GUCY1A2: variants seen among roughly 807,000 people sequenced by gnomAD.
The protein encoded by GUCY1A2 is guanylate cyclase soluble subunit alpha-2.
GUCY1A2 carries 27 observed loss-of-function variants against 63.5 expected under a neutral mutation model. The ratio of observed to expected loss-of-function variants is 0.43; its 90% CI spans 0.31 to 0.59. The LOEUF (loss-of-function observed/expected upper bound fraction) is 0.59. Ranked by LOEUF, GUCY1A2 falls within the 20% of genes least tolerant of loss-of-function variation. The pLI is 0.11. For synonymous variants in GUCY1A2, 364 were observed against 343.5 expected, an observed-to-expected ratio of 1.06 and a Z score of -0.66; for missense variants, 768 against 913.3, an observed-to-expected ratio of 0.84 and a Z score of 2.05.
At chr11:106,862,589 C>T (rs977255081) in intron 4 of GUCY1A2, among the ~76,000 whole-genome samples, 1 of 152,040 alleles carries the variant, frequency 6.6e-6, no homozygotes, top group Admixed American at 6.6e-5. Flanking sequence ...TGTGGGCACT[C>T]TAAGGGAATA....
intron 4 of GUCY1A2, among the ~76,000 whole-genome samples, chr11:106,912,358 C>G (rs1860306876): frequency 6.6e-6 from 1 of 152,024 alleles, no homozygotes; most frequent in Admixed American, 6.6e-5. Flanking sequence ...ATGGATCTTT[C>G]CAGCATTTTT....
chr11:106,709,260 T>A (rs1235650690), intron 6 of GUCY1A2, among the ~76,000 whole-genome samples: 5 of 57,686 alleles, frequency 8.7e-5, no homozygotes, highest in South Asian at 4.8e-4. Flanking sequence ...ATAATATATA[T>A]AAATATATTT....
intron 5 of GUCY1A2, among the ~76,000 whole-genome samples, chr11:106,797,511 A>G (rs1431075188): frequency 6.6e-6 from 1 of 152,178 alleles, no homozygotes; most frequent in East Asian, 1.9e-4. Flanking sequence ...GTTATTCCAA[A>G]ACTAACCACA....
intron 4 of GUCY1A2, among the ~76,000 whole-genome samples, chr11:106,847,357 AGAT>A (rs1859290306): frequency 6.6e-6 from 1 of 151,300 alleles, no homozygotes; most frequent in South Asian, 2.1e-4. Context: ...GATAAAATGA[AGAT>A]GATAATAATA....
At chr11:106,806,661 G>A (rs991756484) in intron 5 of GUCY1A2, among the ~76,000 whole-genome samples, 12 of 152,088 alleles carry the variant, frequency 7.9e-5, no homozygotes, top group Admixed American at 3.9e-4. Flanking sequence ...CTAATTACAA[G>A]AGAAACAAAA....
intron 4 of GUCY1A2, among the ~76,000 whole-genome samples, chr11:106,873,699 T>G (rs1038668606): frequency 6.6e-6 from 1 of 152,278 alleles, no homozygotes; most frequent in South Asian, 2.1e-4. Flanking sequence ...TTGCAAAAAT[T>G]TTCTCCCATT....
intron 4 of GUCY1A2, among the ~76,000 whole-genome samples, chr11:106,854,174 G>A (rs1251645728): frequency 1.3e-5 from 2 of 152,228 alleles, no homozygotes; most frequent in Non-Finnish European, 2.9e-5. Context: ...GGGCCAGGTT[G>A]GCATGTGTTT....
At chr11:106,742,384 A>G (rs541487092) in intron 6 of GUCY1A2, among the ~76,000 whole-genome samples, 1 of 152,026 alleles carries the variant, frequency 6.6e-6, no homozygotes, top group Admixed American at 6.6e-5. Flanking sequence ...TGTTCCCCTC[A>G]TGTGTCCATG....
At chr11:106,868,522 T>C (rs1859627237) in intron 4 of GUCY1A2, among the ~76,000 whole-genome samples, 1 of 152,026 alleles carries the variant, frequency 6.6e-6, no homozygotes, top group Admixed American at 6.6e-5. Context: ...TCAAAGAGAA[T>C]AAAATACCTA....
chr11:106,796,706 C>T (rs1176992432), intron 5 of GUCY1A2, among the ~76,000 whole-genome samples: 1 of 152,174 alleles, frequency 6.6e-6, no homozygotes, highest in Non-Finnish European at 1.5e-5. Flanking sequence ...CTGCCCTTAA[C>T]ATTTTTTCCT....
chr11:106,857,952 T>C lies in GUCY1A2; in HGVS notation c.1207-47474A>G, dbSNP rs562442638. ...AGGGATCCTGGAACAAATCCAGGAC[T>C]TTAAGAAGGAAAAGTACAAAAGGAA... On this transcript the variant is annotated intron_variant, in intron 4 of 7. Transcript: ENST00000526355. Among the ~76,000 whole-genome samples, 3 of 152,266 alleles carry C rather than the reference T, an allele frequency of 2.0e-5. No individual in the cohort carries two copies. The East Asian group carries it at 5.8e-4, about 29-fold the overall frequency.
At chr11:106,935,263 C>A (rs930742828) in intron 4 of GUCY1A2, among the ~76,000 whole-genome samples, 2 of 152,028 alleles carry the variant, frequency 1.3e-5, no homozygotes, top group East Asian at 3.9e-4. Context: ...GGAATAAATA[C>A]GGAGACTGTT....
Position 106,862,781 on chromosome 11 carries a change from CTCTGT to C in GUCY1A2, c.1207-52308_1207-52304del, listed in dbSNP as rs533463213. ...GGCATGGAAGTGGCTCTGTAAACGA[CTCTGT>C]TCTAACAGATCCCTGGCTGGATTTT... is the stretch of plus-strand genomic sequence containing the variant. On this transcript the variant is annotated intron_variant, in intron 4 of 7. Transcript: ENST00000526355. Among the ~76,000 whole-genome samples, 13 of 152,192 alleles carry C rather than the reference CTCTGT, an allele frequency of 8.5e-5. No homozygotes were observed. In the East Asian group the frequency reaches 2.5e-3, roughly 29 times the overall value.
rs567479276 is a variant in GUCY1A2, at chr11:106,891,324, T to A, written c.1206+48136A>T. ...TTGTCTTTTTATTGATTTATAGTAA[T>A]TCTTTATGTACTCTAGATACAAGTC... On this transcript the variant is annotated intron_variant, in intron 4 of 7. Coordinates refer to ENST00000526355, the MANE Select transcript of GUCY1A2 (RefSeq NM_000855.3). Among the ~76,000 whole-genome samples, 5 of 152,280 alleles carry A rather than the reference T, an allele frequency of 3.3e-5. No homozygotes were observed. In the East Asian group the frequency reaches 9.6e-4, roughly 29 times the overall value.
At chr11:106,861,880 C>T (rs1356204324) in intron 4 of GUCY1A2, among the ~76,000 whole-genome samples, 1 of 152,002 alleles carries the variant, frequency 6.6e-6, no homozygotes, top group Non-Finnish European at 1.5e-5. Context: ...CCATTTCTTT[C>T]TACCAAATTT....
chr11:106,812,468 C>G (rs1008431991), intron 4 of GUCY1A2, among the ~76,000 whole-genome samples: 3 of 151,660 alleles, frequency 2.0e-5, no homozygotes, highest in Non-Finnish European at 4.4e-5. Flanking sequence ...ACTCTACTCT[C>G]ATTTTTTTCC....
Position 106,986,146 on chromosome 11 carries a change from T to C in GUCY1A2, c.304-15A>G. 1 of 1,311,454 alleles carries C rather than the reference T, an allele frequency of 7.6e-7. No homozygotes were observed. The highest frequency in any genetic ancestry group is 1.1e-6 in the Non-Finnish European group (1 of 905,042). 81.2% of individuals were successfully genotyped at this position (1,311,454 alleles called of 1,614,324 possible). On this transcript the variant is annotated splice_polypyrimidine_tract_variant and intron_variant, in intron 1 of 7. Transcript: ENST00000526355. ...ATCGTCTGAGGCTACAGAATAATAATAATAATAAAAACATATTATCAGCAA... is the reference window on the plus strand; with the variant it reads ...ATCGTCTGAGGCTACAGAATAATAACAATAATAAAAACATATTATCAGCAA...
intron 3 of GUCY1A2, among the ~76,000 whole-genome samples, chr11:106,948,486 T>C (rs1188403899): frequency 2.0e-5 from 3 of 152,088 alleles, no homozygotes; most frequent in Non-Finnish European, 4.4e-5. Flanking sequence ...TTAATAAGCA[T>C]TTTGAATAAA....
chr11:106,958,005 A>T lies in GUCY1A2; in HGVS notation c.488-17827T>A, dbSNP rs748176583. 4.5e-4 allele frequency among the ~76,000 whole-genome samples: 69 copies of T among 151,844 alleles called. No individual in the cohort carries two copies. The Middle Eastern group carries it at 0.02, about 45-fold the overall frequency. ...TAGCCAAAGGTCTAAAATGTATTTC[A>T]TTAGACAAACAGCATTAGATGTTAA... On this transcript the variant is annotated intron_variant, in intron 3 of 7. Coordinates refer to ENST00000526355, the MANE Select transcript of GUCY1A2 (RefSeq NM_000855.3).
Sources: allele counts gnomAD v4.1 joint callset (sites outside exome capture counted in the v4.1 genomes callset), GRCh38; gene constraint gnomAD v4.1.1; transcripts MANE v1.5; gene names NCBI Gene and HGNC (gene_info 2026-07-23, HGNC 2026-07-21).